GEN1: variants seen among roughly 807,000 people sequenced by gnomAD.
The protein encoded by GEN1 is flap endonuclease GEN homolog 1.
Under a neutral mutation model 67.6 loss-of-function variants are expected in GEN1, and 64 were observed. The observed-to-expected ratio is 0.95, with a 90% CI of 0.77 to 1.17. The LOEUF (loss-of-function observed/expected upper bound fraction) is 1.17. GEN1 is among the 50% of genes most tolerant of loss of function. The pLI is 0.00. For synonymous variants in GEN1, 371 were observed against 359.4 expected (o/e 1.03, Z -0.37); for missense variants, 1,058 against 1,048.3 (o/e 1.01, Z -0.13).
intron 13 of GEN1, 68 bp from the exon 14 acceptor site, chr2:17,780,545 GTTTATTTT>G: frequency 1.0e-6 from 1 of 985,466 alleles, no homozygotes; most frequent in Non-Finnish European, 1.5e-6. Context: ...TCTCTGAACT[GTTTATTTT>G]TTTATTTTTT....
rs1473934119 is a variant in GEN1, at chr2:17,780,728, A to T, written c.1516A>T (p.Lys506Ter). The change falls in exon 14 of 14, where the codon AAG becomes TAG. Residue 506 changes from lysine to a stop codon, truncating the protein, a stop_gained. Transcript: ENST00000381254. LOFTEE classifies it low-confidence loss of function (END_TRUNC). Reference sequence around the variant, plus strand: ...TGAAATCTTTCATAAGCAGAATTCCAAGTTAAATTCGGGGATTTCCCCTGA... The same window carrying T: ...TGAAATCTTTCATAAGCAGAATTCCTAGTTAAATTCGGGGATTTCCCCTGA... ...TCEIFHKQNSKLNSGISPDPT... is the reference protein window; with the variant it reads ...TCEIFHKQNS The T allele has an allele frequency of 3.1e-6, 5 of 1,613,906 alleles. No individual in the cohort carries two copies. The highest frequency in any genetic ancestry group is 4.2e-6 in the Non-Finnish European group (5 of 1,179,922).
At position 17,780,618 on chromosome 2, in the gene GEN1, C is replaced by T. The variant is rs772522684; in HGVS notation, c.1409-3C>T. ...TGATTATATGTATTTTTTTTCTTTT[C>T]AGGTATTAAGCCTAAAGAAAACAAT... is the stretch of plus-strand genomic sequence containing the variant. On this transcript the variant is annotated splice_region_variant and splice_polypyrimidine_tract_variant and intron_variant, in intron 13 of 13. Transcript: ENST00000381254. 2.6e-6 allele frequency: 4 copies of T among 1,513,514 alleles called. No individual in the cohort carries two copies. Among genetic ancestry groups the T allele is most frequent in the African/African-American group, 1.4e-5 (1 of 70,824 alleles). The allele number at this position is 1,513,514 out of a possible 1,614,324, so 93.8% of individuals were successfully genotyped here.
At chr2:17,753,842 C>T (rs1671246302), upstream of GEN1, 1 of 151,274 alleles carries the variant, frequency 6.6e-6, no homozygotes, top group African/African-American at 2.4e-5. Flanking sequence ...TCCCTTCGGG[C>T]TCCGCCCGCG....
At position 17,781,202 on chromosome 2, in the gene GEN1, A is replaced by G. The variant is rs767832845; in HGVS notation, c.1990A>G (p.Ile664Val). 22 of 1,613,604 alleles carry G rather than the reference A, an allele frequency of 1.4e-5. No homozygotes were observed. Among genetic ancestry groups the G allele is most frequent in the South Asian group, 1.1e-5 (1 of 91,080 alleles). The part of the protein sequence containing the change: ...ISPEEHLLSG[I>V]TDLCLQDLPL... Reference sequence around the variant, plus strand: ...TCCTGAAGAGCATCTACTTTCTGGCATTACTGATTTATGTCTTCAGGATTT... The same window carrying G: ...TCCTGAAGAGCATCTACTTTCTGGCGTTACTGATTTATGTCTTCAGGATTT... Residue 664 changes from isoleucine to valine, a missense_variant, in exon 14 of 14, where the codon ATT (isoleucine) becomes GTT (valine). Coordinates refer to ENST00000381254, the MANE Select transcript of GEN1 (RefSeq NM_001130009.3).
At position 17,781,894 on chromosome 2, in the gene GEN1, TCTTC is replaced by T. The variant is rs754635091; in HGVS notation, c.2686_2689del (p.Pro896TyrfsTer5). ...ACTCTGGTACTTGTTTGGATAGCCCTCTTCCTTTACGCCAGAGATTAAAACTAAG... is the reference window on the plus strand; with the variant it reads ...ACTCTGGTACTTGTTTGGATAGCCCTCTTTACGCCAGAGATTAAAACTAAG... On this transcript the variant is annotated frameshift_variant, in exon 14 of 14. Transcript: ENST00000381254. LOFTEE classifies it high-confidence loss of function. 3 of 1,579,200 alleles carry T rather than the reference TCTTC, an allele frequency of 1.9e-6. No homozygotes were observed. Among genetic ancestry groups the T allele is most frequent in the Admixed American group, 2.0e-5 (1 of 49,656 alleles).
chr2:17,753,408 G>T (rs145957118), upstream of GEN1, among the ~76,000 whole-genome samples: 1 of 99,408 alleles, frequency 1.0e-5, no homozygotes, highest in Admixed American at 9.2e-5. Flanking sequence ...TCAGGAGACC[G>T]GTGCCGCCTC....
rs568179366 is a variant in GEN1, at chr2:17,782,832, A to C, written c.*893A>C. 6.6e-6 allele frequency: 1 copy of C among 152,114 alleles called. No homozygotes were observed. The highest frequency in any genetic ancestry group is 1.5e-5 in the Non-Finnish European group (1 of 68,044). The allele number at this position is 152,114 out of a possible 1,614,324, so 9.4% of individuals were successfully genotyped here. A position where few individuals can be genotyped will look rare whatever the true frequency, so the allele number is the denominator to read the frequency against. On this transcript the variant is annotated 3_prime_UTR_variant, in exon 14 of 14. Transcript: ENST00000381254. ...CCCTTTTGTTTTGAATCTATGCAAT[A>C]TTGACTTTAATACCACCAAATATTA... is the stretch of plus-strand genomic sequence containing the variant.
chr2:17,773,414 A>G, intron 10 of GEN1, 115 bp downstream of exon 10: 1 of 635,940 alleles, frequency 1.6e-6, no homozygotes, highest in Non-Finnish European at 2.7e-6. Flanking sequence ...GGCAGCTCTT[A>G]TATTTTTTCA....
rs74394177 is a variant in GEN1, at chr2:17,773,625, C to A, written c.1071+326C>A. On this transcript the variant is annotated intron_variant, in intron 10 of 13. Coordinates refer to ENST00000381254, the MANE Select transcript of GEN1 (RefSeq NM_001130009.3). ...TAATTATGGAAGGTAGTATCATTTA[C>A]AAAAACATTGATATCTGAAATTAAT... Among the ~76,000 whole-genome samples the A allele has an allele frequency of 2.4e-3, 367 of 152,118 alleles. 8 individuals carry two copies. In the East Asian group the frequency reaches 0.043, roughly 18 times the overall value.
At position 17,788,052 on chromosome 2, in the gene GEN1, C is replaced by T. The variant is rs146211127; in HGVS notation, c.*6113C>T. On this transcript the variant is annotated 3_prime_UTR_variant, in exon 14 of 14. Coordinates refer to ENST00000381254, the MANE Select transcript of GEN1 (RefSeq NM_001130009.3). ...TCTAACCGGGTGGATTAGCTTGATA[C>T]CTAGTCGCCTTTAGCCACTTCAAGA... 94 of 152,334 alleles carry T rather than the reference C, an allele frequency of 6.2e-4. No homozygotes were observed. The highest frequency in any genetic ancestry group is 1.6e-3 in the African/African-American group (68 of 41,566). 9.4% of individuals were successfully genotyped at this position (152,334 alleles called of 1,614,324 possible).
At chr2:17,767,659 G>A (rs944213336) in intron 5 of GEN1, among the ~76,000 whole-genome samples, 93 of 152,196 alleles carry the variant, frequency 6.1e-4, no homozygotes, top group African/African-American at 1.6e-3. Flanking sequence ...ACAGCCCAAT[G>A]TTTAATTTAA....
Position 17,781,356 on chromosome 2 carries a change from G to A in GEN1, c.2144G>A (p.Cys715Tyr). 5 of 1,613,848 alleles carry A rather than the reference G, an allele frequency of 3.1e-6. 1 individual carries two copies. Among genetic ancestry groups the A allele is most frequent in the Non-Finnish European group, 3.4e-6 (4 of 1,179,890 alleles). The change falls in exon 14 of 14, where the codon TGT (cysteine) becomes TAT (tyrosine). Residue 715 changes from cysteine (C) to tyrosine (Y), a missense_variant. Physicochemically the swap from Cys to Tyr is radical, Grantham distance 194 (BLOSUM62 -2). Coordinates refer to ENST00000381254, the MANE Select transcript of GEN1 (RefSeq NM_001130009.3). ...TGTATTGCTAACAGTGGTTCTGATT[G>A]TACATCACATCTTTCAAAGGATCTT... is the stretch of plus-strand genomic sequence containing the variant. Reference protein sequence around the residue: ...ESCIANSGSDCTSHLSKDLPG... With the variant: ...ESCIANSGSDYTSHLSKDLPG...
chr2:17,768,497 C>T (rs551146054), intron 5 of GEN1, among the ~76,000 whole-genome samples: 3 of 152,262 alleles, frequency 2.0e-5, no homozygotes, highest in East Asian at 1.9e-4. Flanking sequence ...GTATATAACT[C>T]GCTGAAATTT....
At chr2:17,760,952 CG>C (rs1671647645) in intron 2 of GEN1, among the ~76,000 whole-genome samples, 1 of 149,532 alleles carries the variant, frequency 6.7e-6, no homozygotes, top group African/African-American at 2.5e-5. Context: ...TGGTTTTGGC[CG>C]GGCACAGTGG....
chr2:17,762,203 GTTTT>G (rs528367680), intron 3 of GEN1, among the ~76,000 whole-genome samples: 11 of 125,670 alleles, frequency 8.8e-5, no homozygotes, highest in African/African-American at 1.8e-4. Flanking sequence ...TTTTTTGGTT[GTTTT>G]TTTTTTTTTT....
rs13404348 is a variant in GEN1 at position 17,783,099 on chromosome 2, C to T, written c.*1160C>T. 5,586 of 152,166 alleles carry T rather than the reference C, an allele frequency of 0.037. 306 individuals carry two copies. Among genetic ancestry groups the T allele is most frequent in the African/African-American group, 0.11 (4,747 of 41,478 alleles). 9.4% of individuals were successfully genotyped at this position (152,166 alleles called of 1,614,324 possible). ...TTTTGAGACAGAGTCTCACTCTTGT[C>T]GAGACTGGGGTGTAGTGGCGCCATC... On this transcript the variant is annotated 3_prime_UTR_variant, in exon 14 of 14. Transcript: ENST00000381254.
Position 17,786,800 on chromosome 2 carries a change from T to G in GEN1, c.*4861T>G, listed in dbSNP as rs2125193963. ...ATGCAGACTTGATGAGGGCAGGGAC[T>G]AAGTCCTTTCTGTTCACAGAATTCT... On this transcript the variant is annotated 3_prime_UTR_variant, in exon 14 of 14. Coordinates refer to ENST00000381254, the MANE Select transcript of GEN1 (RefSeq NM_001130009.3). 1 of 152,256 alleles carries G rather than the reference T, an allele frequency of 6.6e-6. No individual in the cohort carries two copies. The highest frequency in any genetic ancestry group is 1.5e-5 in the Non-Finnish European group (1 of 68,008). The allele number at this position is 152,256 out of a possible 1,614,324, so 9.4% of individuals were successfully genotyped here. A position where few individuals can be genotyped will look rare whatever the true frequency, so the allele number is the denominator to read the frequency against.
chr2:17,770,434 A>G (rs1011100188), intron 6 of GEN1, among the ~76,000 whole-genome samples: 2 of 152,156 alleles, frequency 1.3e-5, no homozygotes, highest in African/African-American at 4.8e-5. Context: ...CTTAAGTACC[A>G]GATACTGCAC....
At chr2:17,760,524 C>T (rs1011854884) in intron 2 of GEN1, among the ~76,000 whole-genome samples, 2 of 152,232 alleles carry the variant, frequency 1.3e-5, no homozygotes, top group Non-Finnish European at 2.9e-5. Flanking sequence ...CATCTATACT[C>T]CTGAAGTGCC....
Sources: gnomAD v4.1 joint callset for allele counts (sites outside exome capture counted in the v4.1 genomes callset) on GRCh38, gnomAD v4.1.1 for gene constraint, MANE v1.5 for transcripts, NCBI Gene and HGNC (gene_info 2026-07-23, HGNC 2026-07-21) for gene names.